MDFIC2: variants seen among roughly 807,000 people sequenced by gnomAD.
The protein encoded by MDFIC2 is myoD family inhibitor domain-containing protein 2.
At chr3:70,278,169 A>G (rs1242041073) in intron 2 of MDFIC2, among the ~76,000 whole-genome samples, 2 of 152,104 alleles carry the variant, frequency 1.3e-5, no homozygotes, top group Non-Finnish European at 2.9e-5. Flanking sequence ...TCTTATATAA[A>G]TGGGCTCATA....
intron 2 of MDFIC2, among the ~76,000 whole-genome samples, chr3:70,245,187 C>A (rs1701695299): frequency 6.6e-6 from 1 of 151,980 alleles, no homozygotes; most frequent in Admixed American, 6.6e-5. Flanking sequence ...CAATGCATTT[C>A]TCTTGGCGTT....
chr3:70,252,269 A>G (rs1036005905), intron 2 of MDFIC2, among the ~76,000 whole-genome samples: 2 of 152,230 alleles, frequency 1.3e-5, no homozygotes, highest in Non-Finnish European at 2.9e-5. Context: ...ACTTAGGCTT[A>G]AAGTATATGT....
At chr3:70,211,321 TCCTTC>T (rs1701342505) in intron 2 of MDFIC2, among the ~76,000 whole-genome samples, 1 of 72,378 alleles carries the variant, frequency 1.4e-5, no homozygotes, top group Non-Finnish European at 2.7e-5. Flanking sequence ...CCCTTCCCTT[TCCTTC>T]CTTTCCCTTC....
chr3:70,228,507 C>T (rs1162657046), intron 2 of MDFIC2, among the ~76,000 whole-genome samples: 2 of 151,890 alleles, frequency 1.3e-5, no homozygotes, highest in African/African-American at 2.4e-5. Context: ...AGAAGGACCC[C>T]TGTTATAGTT....
chr3:70,279,753 A>G (rs1702063183), intron 2 of MDFIC2, among the ~76,000 whole-genome samples: 1 of 152,172 alleles, frequency 6.6e-6, no homozygotes. Context: ...TGGATGGCAT[A>G]AATGCCATCC....
chr3:70,274,441 G>C (rs930734736), intron 2 of MDFIC2, among the ~76,000 whole-genome samples: 1 of 152,134 alleles, frequency 6.6e-6, no homozygotes, highest in Non-Finnish European at 1.5e-5. Flanking sequence ...CATCAACTCA[G>C]TGTTACAAGA....
intron 2 of MDFIC2, among the ~76,000 whole-genome samples, chr3:70,299,317 G>T (rs996929754): frequency 2.1e-5 from 3 of 144,070 alleles, no homozygotes; most frequent in South Asian, 2.3e-4. Flanking sequence ...TTATAAATTT[G>T]TGCGTTATTT....
Position 70,196,449 on chromosome 3 carries a change from G to A in MDFIC2, c.*477C>T, listed in dbSNP as rs1701181389. Among the ~76,000 whole-genome samples, 1 of 152,068 alleles carries A rather than the reference G, an allele frequency of 6.6e-6. No homozygotes were observed. The highest frequency in any genetic ancestry group is 2.4e-5 in the African/African-American group (1 of 41,396). On this transcript the variant is annotated 3_prime_UTR_variant, in exon 4 of 4. Transcript: ENST00000567252. ...ATAAATAAATTTTTAATTACAAAAT[G>A]ATGTTATACAATACATTATTAATAA...
intron 2 of MDFIC2, among the ~76,000 whole-genome samples, chr3:70,285,540 C>T (rs1473540511): frequency 6.6e-6 from 1 of 151,904 alleles, no homozygotes; most frequent in Non-Finnish European, 1.5e-5. Flanking sequence ...GTCTTTATAG[C>T]AGCATGATTT....
intron 2 of MDFIC2, among the ~76,000 whole-genome samples, chr3:70,295,595 A>G (rs1575618884): frequency 1.3e-5 from 2 of 152,096 alleles, no homozygotes; most frequent in Middle Eastern, 3.2e-3. Context: ...CCTATTCCTA[A>G]GTACTTGGGA....
intron 2 of MDFIC2, among the ~76,000 whole-genome samples, chr3:70,225,921 C>T (rs886625792): frequency 3.3e-5 from 5 of 152,166 alleles, no homozygotes; most frequent in African/African-American, 4.8e-5. Flanking sequence ...TTTGTTCCCT[C>T]GCCATCTACC....
intron 2 of MDFIC2, among the ~76,000 whole-genome samples, chr3:70,227,072 C>G (rs1420089470): frequency 6.6e-6 from 1 of 152,084 alleles, no homozygotes; most frequent in Non-Finnish European, 1.5e-5. Flanking sequence ...ATATAGATTC[C>G]TTTGATCCCC....
chr3:70,306,949 A>G (rs1702407091), intron 2 of MDFIC2, among the ~76,000 whole-genome samples: 1 of 152,194 alleles, frequency 6.6e-6, no homozygotes. Context: ...CTTTGCTCAT[A>G]CAAATAAATA....
intron 2 of MDFIC2, among the ~76,000 whole-genome samples, chr3:70,307,281 C>G (rs894486206): frequency 2.6e-5 from 4 of 152,130 alleles, no homozygotes; most frequent in African/African-American, 9.7e-5. Flanking sequence ...TTTCCAGTTT[C>G]TCCTGAAAAA....
At chr3:70,290,955 T>C (rs539570297) in intron 2 of MDFIC2, among the ~76,000 whole-genome samples, 1 of 152,150 alleles carries the variant, frequency 6.6e-6, no homozygotes, top group Non-Finnish European at 1.5e-5. Context: ...CTGAGCCCAC[T>C]GTCTGGCACT....
Position 70,202,697 on chromosome 3 carries a change from C to A in MDFIC2, c.310+3872G>T, listed in dbSNP as rs115645032. ...GGGAGCAAAAAGCCATGACAAAAACCCCTTTGGGCTTCATTTCCTTTCTAC... is the reference window on the plus strand; with the variant it reads ...GGGAGCAAAAAGCCATGACAAAAACACCTTTGGGCTTCATTTCCTTTCTAC... On this transcript the variant is annotated intron_variant, in intron 3 of 3. Transcript: ENST00000567252. 8.0e-3 allele frequency among the ~76,000 whole-genome samples: 1,210 copies of A among 152,098 alleles called. 14 individuals carry two copies. Among genetic ancestry groups the A allele is most frequent in the African/African-American group, 0.028 (1,150 of 41,488 alleles).
chr3:70,233,144 G>C (rs538696902), intron 2 of MDFIC2, among the ~76,000 whole-genome samples: 1 of 152,166 alleles, frequency 6.6e-6, no homozygotes, highest in Non-Finnish European at 1.5e-5. Flanking sequence ...AGCCAAGATC[G>C]CGCCACTGCA....
intron 2 of MDFIC2, among the ~76,000 whole-genome samples, chr3:70,285,507 G>A (rs1194189112): frequency 6.6e-5 from 10 of 151,896 alleles, no homozygotes; most frequent in African/African-American, 2.2e-4. Flanking sequence ...GAATAATGCC[G>A]CAATAAAAAT....
chr3:70,276,213 T>C (rs1383821932), intron 2 of MDFIC2, among the ~76,000 whole-genome samples: 3 of 152,148 alleles, frequency 2.0e-5, no homozygotes, highest in East Asian at 3.8e-4. Context: ...CAGTGAAAAA[T>C]AATTTCTTGC....
Sources: allele counts gnomAD v4.1 joint callset (sites outside exome capture counted in the v4.1 genomes callset), GRCh38; gene constraint gnomAD v4.1.1; transcripts MANE v1.5; gene names NCBI Gene and HGNC (gene_info 2026-07-23, HGNC 2026-07-21).